Variants in TPPP observed in about 807,000 individuals in gnomAD.
The protein encoded by TPPP is tubulin polymerization-promoting protein.
Under a neutral mutation model 15.5 loss-of-function variants are expected in TPPP, and 6 were observed. That is an observed-to-expected ratio of 0.39 (90% CI 0.21 to 0.77). The LOEUF (loss-of-function observed/expected upper bound fraction) is 0.77, where lower values mean the gene tolerates loss of function less well. Among genes scored for constraint, TPPP ranks in the 30% least tolerant of loss-of-function variants. The pLI is 0.42. For missense variants in TPPP, 269 were observed against 307.2 expected, an observed-to-expected ratio of 0.88 and a Z score of 0.93; for synonymous variants, 146 against 133.9, an observed-to-expected ratio of 1.09 and a Z score of -0.63.
upstream of TPPP, among the ~76,000 whole-genome samples, chr5:693,564 C>T (rs1188094497): frequency 1.3e-5 from 2 of 151,616 alleles, no homozygotes; most frequent in Non-Finnish European, 2.9e-5. Flanking sequence ...TCTGCTCAGG[C>T]CCCGCGGACC....
chr5:686,982 C>G (rs1175841088), intron 1 of TPPP, among the ~76,000 whole-genome samples: 1 of 141,180 alleles, frequency 7.1e-6, no homozygotes, highest in East Asian at 2.0e-4. Context: ...ATCTTGGACT[C>G]TCCAGCCCCC....
intron 1 of TPPP, among the ~76,000 whole-genome samples, chr5:680,990 A>C (rs1010165469): frequency 6.6e-6 from 1 of 152,230 alleles, no homozygotes; most frequent in Non-Finnish European, 1.5e-5. Context: ...GGATCGCTTC[A>C]TTAGACCCAC....
chr5:678,118 C>T (rs1341661004), intron 1 of TPPP, 54 bp from the exon 2 acceptor site: 15 of 1,443,536 alleles, frequency 1.0e-5, no homozygotes, highest in Middle Eastern at 2.6e-4. Flanking sequence ...CCAGCTGAGC[C>T]GGGTGCAGCC....
At chr5:678,835 G>C (rs1697975) in intron 1 of TPPP, among the ~76,000 whole-genome samples, 51,353 of 152,138 alleles carry the variant, frequency 0.34, 9,192 homozygotes, top group East Asian at 0.55. Context: ...AAGACTGAGG[G>C]GTGCCACCCA....
At chr5:693,470 C>G (rs1336308151), upstream of TPPP, 1 of 144,922 alleles carries the variant, frequency 6.9e-6, no homozygotes, top group Non-Finnish European at 1.5e-5. Flanking sequence ...CCGCCCCGCG[C>G]GCTCATTGGC....
intron 2 of TPPP, chr5:676,245 G>GACACGCAGTCTAGGA (rs1225142031): frequency 4.6e-5 from 7 of 152,320 alleles, no homozygotes. Context: ...AGCTCAGCAG[G>GACACGCAGTCTAGGA]ACACGCAGTC....
In TPPP at chr5:666,684, C is replaced by T. The variant is rs528919143; in HGVS notation, c.312-561G>A. 5.5e-4 allele frequency among the ~76,000 whole-genome samples: 84 copies of T among 152,074 alleles called. 1 individual carries two copies. The highest frequency in any genetic ancestry group is 1.8e-3 in the African/African-American group (73 of 41,322). On this transcript the variant is annotated intron_variant, in intron 2 of 3. Coordinates refer to ENST00000360578, the MANE Select transcript of TPPP (RefSeq NM_007030.3). ...GCTCTGGCCTCAGAGGTGCAGAGCC[C>T]GGTGGGCCGGAGGTGCCATGAGAAG...
the TPPP span, among the ~76,000 whole-genome samples, chr5:699,275 A>T: frequency 1.3e-5 from 2 of 152,242 alleles, no homozygotes; most frequent in South Asian, 4.1e-4. Flanking sequence ...GCATGGTAGT[A>T]GTACAAAAAT....
At chr5:681,541 TAGG>T (rs1196982676) in intron 1 of TPPP, among the ~76,000 whole-genome samples, 1 of 152,096 alleles carries the variant, frequency 6.6e-6, no homozygotes, top group Non-Finnish European at 1.5e-5. Flanking sequence ...ACCTCCCTGG[TAGG>T]AGGGACGTGC....
At position 660,473 on chromosome 5, in the gene TPPP, T is replaced by G. The variant is rs1739542616; in HGVS notation, c.*4629A>C. ...TGTTCAGTAGTAAGAGGAGGAAAGA[T>G]GCAGGTTCAGTGTTTGAAGGACGTT... is the stretch of plus-strand genomic sequence containing the variant. On this transcript the variant is annotated 3_prime_UTR_variant, in exon 4 of 4. Transcript: ENST00000360578. 1 of 152,356 alleles carries G rather than the reference T, an allele frequency of 6.6e-6. No homozygotes were observed. Among genetic ancestry groups the G allele is most frequent in the Admixed American group, 6.5e-5 (1 of 15,280 alleles). 9.4% of individuals were successfully genotyped at this position (152,356 alleles called of 1,614,324 possible). A position where few individuals can be genotyped will look rare whatever the true frequency, so the allele number is the denominator to read the frequency against.
chr5:664,978 C>A lies in TPPP; in HGVS notation c.*124G>T, dbSNP rs557250609. Reference sequence around the variant, plus strand: ...GAGGGAGGCCTGGGCCTGGCCGCCCCCCAGCCCCCTCTGGGGCACCCGTCT... The same window carrying A: ...GAGGGAGGCCTGGGCCTGGCCGCCCACCAGCCCCCTCTGGGGCACCCGTCT... On this transcript the variant is annotated 3_prime_UTR_variant, in exon 4 of 4. Coordinates refer to ENST00000360578, the MANE Select transcript of TPPP (RefSeq NM_007030.3). 1.5e-5 allele frequency: 18 copies of A among 1,222,272 alleles called. No homozygotes were observed. Among genetic ancestry groups the A allele is most frequent in the Non-Finnish European group, 2.0e-5 (18 of 881,996 alleles). 75.7% of individuals were successfully genotyped at this position (1,222,272 alleles called of 1,614,324 possible).
the TPPP span, among the ~76,000 whole-genome samples, chr5:699,598 C>T: frequency 6.6e-6 from 1 of 151,970 alleles, no homozygotes; most frequent in Non-Finnish European, 1.5e-5. Context: ...GCAATTGCAA[C>T]AAAAACAAAA....
At position 676,844 on chromosome 5, in the gene TPPP, G is replaced by A. The variant is rs1173251553; in HGVS notation, c.311+906C>T. ...CACACATGCGCACACGTGCACACAC[G>A]ACACAGAAACGCGCACACACGACGC... On this transcript the variant is annotated intron_variant, in intron 2 of 3. Transcript: ENST00000360578. Among the ~76,000 whole-genome samples the A allele has an allele frequency of 4.6e-5, 6 of 129,058 alleles. No individual in the cohort carries two copies. The East Asian group carries it at 8.3e-4, about 18-fold the overall frequency. The allele number at this position is 129,058 out of a possible 152,430, so 84.7% of individuals were successfully genotyped here. A position where few individuals can be genotyped will look rare whatever the true frequency, so the allele number is the denominator to read the frequency against.
chr5:693,679 C>G (rs1209296939), upstream of TPPP, among the ~76,000 whole-genome samples: 8 of 151,428 alleles, frequency 5.3e-5, no homozygotes, highest in Admixed American at 5.3e-4. Context: ...CCCCCGGGGA[C>G]GACCGGACCC....
At chr5:667,800 G>C (rs72707024) in intron 2 of TPPP, among the ~76,000 whole-genome samples, 1 of 142,910 alleles carries the variant, frequency 7.0e-6, no homozygotes, top group Admixed American at 6.9e-5. Context: ...AGGGGTCCGC[G>C]TGGGCCCCAT....
rs1010135914 is a variant in TPPP, at chr5:664,862, C to T, written c.*240G>A. The T allele has an allele frequency of 2.6e-5, 14 of 539,034 alleles. No homozygotes were observed. The highest frequency in any genetic ancestry group is 4.9e-4 in the Middle Eastern group (1 of 2,034). 33.4% of individuals were successfully genotyped at this position (539,034 alleles called of 1,614,324 possible). On this transcript the variant is annotated 3_prime_UTR_variant, in exon 4 of 4. Transcript: ENST00000360578. ...GAGACACTTTGGAAATGGCTGAGGA[C>T]GAGGCAGGTGTATTAGGAGGGTCAG...
chr5:692,404 C>T (rs1292450554), intron 1 of TPPP, among the ~76,000 whole-genome samples: 2 of 137,528 alleles, frequency 1.5e-5, no homozygotes, highest in African/African-American at 5.4e-5. Flanking sequence ...CCCCAAACCC[C>T]TATCAAAACA....
At chr5:668,472 G>A (rs1451158239) in intron 2 of TPPP, among the ~76,000 whole-genome samples, 7 of 152,068 alleles carry the variant, frequency 4.6e-5, no homozygotes, top group East Asian at 1.9e-4. Context: ...AGAGGGGGCC[G>A]CGTGGGCGCC....
intron 2 of TPPP, among the ~76,000 whole-genome samples, chr5:666,331 C>A (rs550631190): frequency 3.3e-5 from 5 of 152,230 alleles, no homozygotes; most frequent in Non-Finnish European, 5.9e-5. Flanking sequence ...GATGCTCACA[C>A]GGCCCTGCAG....
Sources: gnomAD v4.1 joint callset for allele counts (sites outside exome capture counted in the v4.1 genomes callset) on GRCh38, gnomAD v4.1.1 for gene constraint, MANE v1.5 for transcripts, NCBI Gene and HGNC (gene_info 2026-07-23, HGNC 2026-07-21) for gene names.